The following KCNT1 variants were observed in gnomAD, a reference collection of about 807,000 sequenced individuals.
KCNT1 encodes potassium sodium-activated channel subfamily T member 1, also known as potassium channel subfamily T member 1.
In KCNT1, 78 loss-of-function variants were observed where a neutral mutation model predicts 147.8. The observed-to-expected ratio is 0.53, with a 90% CI of 0.44 to 0.64. The LOEUF (loss-of-function observed/expected upper bound fraction) is 0.64. Among genes scored for constraint, KCNT1 ranks in the 30% least tolerant of loss-of-function variants. The pLI is 0.00. For missense variants in KCNT1, 1,419 were observed against 1,750.3 expected (o/e 0.81, Z 3.38); for synonymous variants, 867 against 748.8 (o/e 1.16, Z -2.58).
At chr9:135,732,819 TCTTC>T in intron 2 of KCNT1, among the ~76,000 whole-genome samples, 1 of 151,814 alleles carries the variant, frequency 6.6e-6, no homozygotes, top group East Asian at 1.9e-4. Flanking sequence ...TTCCTTTCCT[TCTTC>T]CTTCCCTCCT....
chr9:135,702,526 C>T (rs1482755554), intron 1 of KCNT1, among the ~76,000 whole-genome samples, 158 bp downstream of exon 1: 1 of 152,182 alleles, frequency 6.6e-6, no homozygotes, highest in Non-Finnish European at 1.5e-5. Context: ...CCTTGGGGAA[C>T]AGGGGCGCCC....
chr9:135,757,048 C>G, intron 7 of KCNT1, 108 bp from the exon 8 acceptor site: 1 of 1,047,394 alleles, frequency 9.5e-7, no homozygotes, highest in Admixed American at 2.1e-5. Context: ...GCCTCATCCA[C>G]TGACCTCCAG....
At chr9:135,769,138 G>GAC (rs1564368293) in intron 15 of KCNT1, among the ~76,000 whole-genome samples, 8 of 69,716 alleles carry the variant, frequency 1.1e-4, no homozygotes, top group South Asian at 4.5e-4. Context: ...TCTGGGGCAG[G>GAC]GCGCATGTGC....
intron 2 of KCNT1, among the ~76,000 whole-genome samples, chr9:135,743,824 T>TG (rs933859058): frequency 2.6e-5 from 4 of 152,088 alleles, no homozygotes; most frequent in Non-Finnish European, 4.4e-5. Flanking sequence ...GGCCAAGCTA[T>TG]GGGGGGGCCC....
chr9:135,764,546 C>T (rs1052710750), intron 11 of KCNT1, among the ~76,000 whole-genome samples: 2 of 152,160 alleles, frequency 1.3e-5, no homozygotes, highest in African/African-American at 4.8e-5. Flanking sequence ...TGGATCTGTC[C>T]CCTTTGAGTC....
At chr9:135,750,500 G>C (rs957482356) in intron 3 of KCNT1, 16 of 485,894 alleles carry the variant, frequency 3.3e-5, no homozygotes, top group Non-Finnish European at 3.8e-6. Context: ...TCTCCCCTGT[G>C]GCCACGCCCT....
chr9:135,760,514 A>G (rs1352255777), intron 11 of KCNT1, among the ~76,000 whole-genome samples: 1 of 152,118 alleles, frequency 6.6e-6, no homozygotes, highest in African/African-American at 2.4e-5. Flanking sequence ...GGGTAGGAGG[A>G]AGAGCCTGAG....
At chr9:135,785,213 C>T (rs927663461) in intron 27 of KCNT1, 97 bp from the exon 28 acceptor site, 1 of 1,550,388 alleles carries the variant, frequency 6.4e-7, no homozygotes, top group Non-Finnish European at 8.8e-7. Flanking sequence ...ACCGTGCCCA[C>T]CAGCCCTAAG....
intron 2 of KCNT1, among the ~76,000 whole-genome samples, chr9:135,722,251 G>A (rs1835953984): frequency 6.6e-6 from 1 of 152,178 alleles, no homozygotes; most frequent in African/African-American, 2.4e-5. Context: ...ACCCTGAGAG[G>A]GCGAATCCCG....
At chr9:135,784,194 G>T in intron 25 of KCNT1, 69 bp downstream of exon 25, 1 of 1,225,534 alleles carries the variant, frequency 8.2e-7, no homozygotes, top group Non-Finnish European at 1.2e-6. Flanking sequence ...CAGCTCTTCA[G>T]CCTGGTCCCT....
At chr9:135,760,784 CCT>C (rs1253457518) in intron 11 of KCNT1, among the ~76,000 whole-genome samples, 1 of 152,252 alleles carries the variant, frequency 6.6e-6, no homozygotes, top group Non-Finnish European at 1.5e-5. Context: ...CTTCTGTTCT[CCT>C]GAGTTCAGAT....
At chr9:135,707,656 A>G (rs1835310887) in intron 1 of KCNT1, among the ~76,000 whole-genome samples, 2 of 152,116 alleles carry the variant, frequency 1.3e-5, no homozygotes, top group Non-Finnish European at 2.9e-5. Flanking sequence ...GGGTGGGGAC[A>G]GCAGAAGGGC....
At chr9:135,775,994 G>T (rs1215081233) in intron 20 of KCNT1, among the ~76,000 whole-genome samples, 2 of 152,092 alleles carry the variant, frequency 1.3e-5, no homozygotes, top group Non-Finnish European at 2.9e-5. Context: ...TGGCAGGTGG[G>T]TCTGCGATGT....
At position 135,731,533 on chromosome 9, in the gene KCNT1, T is replaced by C. The variant is rs574041976; in HGVS notation, c.254+16813T>C. 1.1e-4 allele frequency among the ~76,000 whole-genome samples: 17 copies of C among 152,254 alleles called. No homozygotes were observed. The South Asian group carries it at 2.9e-3, about 26-fold the overall frequency. ...TTGGCATTTCTTTTAGCAGCTTCATTTCATCTTTGAGGTGGCTGTGGTTGT... is the reference window on the plus strand; with the variant it reads ...TTGGCATTTCTTTTAGCAGCTTCATCTCATCTTTGAGGTGGCTGTGGTTGT... On this transcript the variant is annotated intron_variant, in intron 2 of 30. Coordinates refer to ENST00000371757, the MANE Select transcript of KCNT1 (RefSeq NM_020822.3).
chr9:135,777,023 C>T (rs931101007), intron 20 of KCNT1, among the ~76,000 whole-genome samples: 3 of 152,246 alleles, frequency 2.0e-5, no homozygotes, highest in Admixed American at 6.5e-5. Flanking sequence ...TCTGAGAAAA[C>T]GTGTGTGCAT....
intron 29 of KCNT1, 61 bp from the exon 30 acceptor site, chr9:135,791,736 C>T: frequency 4.1e-6 from 6 of 1,460,488 alleles, no homozygotes; most frequent in Non-Finnish European, 5.8e-6. Context: ...CTCTGGGCCC[C>T]TGCAGAGCTG....
chr9:135,780,103 G>A (rs543519931), intron 24 of KCNT1, among the ~76,000 whole-genome samples: 3 of 152,352 alleles, frequency 2.0e-5, no homozygotes, highest in Admixed American at 1.3e-4. Flanking sequence ...AGGGGCACGG[G>A]CACTGTTGCT....
intron 11 of KCNT1, 117 bp from the exon 12 acceptor site, chr9:135,764,914 C>T (rs937031414): frequency 3.0e-4 from 337 of 1,106,910 alleles, no homozygotes; most frequent in Non-Finnish European, 4.0e-4. Flanking sequence ...TGTCACCCCC[C>T]GGCCGGCCCT....
chr9:135,750,311 G>A (rs908128920), intron 3 of KCNT1, 134 bp downstream of exon 3: 43 of 694,214 alleles, frequency 6.2e-5, no homozygotes, highest in Admixed American at 1.5e-4. Flanking sequence ...TGAGTGCTGC[G>A]GGGGCATTTG....
Sources: gnomAD v4.1 joint callset for allele counts (sites outside exome capture counted in the v4.1 genomes callset) on GRCh38, gnomAD v4.1.1 for gene constraint, MANE v1.5 for transcripts, NCBI Gene and HGNC (gene_info 2026-07-23, HGNC 2026-07-21) for gene names.